Variants in PPIL1 observed in about 807,000 individuals in gnomAD.
PPIL1 encodes the protein peptidyl-prolyl cis-trans isomerase-like 1.
A neutral mutation model predicts 19.4 loss-of-function variants in PPIL1; 14 were observed. That is an observed-to-expected ratio of 0.72 (90% CI 0.48 to 1.13). The LOEUF (loss-of-function observed/expected upper bound fraction) is 1.13, where lower values mean the gene tolerates loss of function less well. Among genes scored for constraint, PPIL1 ranks in the 50% most tolerant of loss-of-function variants. PPIL1 has a pLI of 0.00. For synonymous variants in PPIL1, 72 were observed against 73.6 expected (o/e 0.98, Z 0.11); for missense variants, 192 against 218.0 (o/e 0.88, Z 0.75).
At position 36,865,620 on chromosome 6, in the gene PPIL1, C is replaced by T. The variant is rs183516616; in HGVS notation, c.211+6098G>A. On this transcript the variant is annotated intron_variant, in intron 2 of 3. Transcript: ENST00000373699. ...TCCCTCTACTTCCCAAGACCCATCT[C>T]GCATATGCCTCCTTCCCATCCTAAT... Among the ~76,000 whole-genome samples the T allele has an allele frequency of 3.3e-5, 5 of 152,264 alleles. 1 individual carries two copies. Among genetic ancestry groups the T allele is most frequent in the Middle Eastern group, 6.8e-3 (2 of 294 alleles).
Position 36,856,534 on chromosome 6 carries a change from T to G in PPIL1, c.280+52A>C, listed in dbSNP as rs373019501. On this transcript the variant is annotated intron_variant, in intron 3 of 3. Coordinates refer to ENST00000373699, the MANE Select transcript of PPIL1 (RefSeq NM_016059.5). Reference sequence around the variant, plus strand: ...TCACCTTGAATCATGGCCAAAAGAGTGAGCTTTTAAAATCCCCGTTCCTAC... The same window carrying G: ...TCACCTTGAATCATGGCCAAAAGAGGGAGCTTTTAAAATCCCCGTTCCTAC... The G allele has an allele frequency of 5.5e-4, 836 of 1,506,562 alleles. 1 individual carries two copies. The highest frequency in any genetic ancestry group is 7.2e-4 in the Non-Finnish European group (779 of 1,082,986). 93.3% of individuals were successfully genotyped at this position (1,506,562 alleles called of 1,614,324 possible).
chr6:36,861,843 T>A (rs1209392732), intron 2 of PPIL1, among the ~76,000 whole-genome samples: 1 of 151,944 alleles, frequency 6.6e-6, no homozygotes, highest in African/African-American at 2.4e-5. Context: ...ATTACAGGCA[T>A]GCGCCACCAT....
At chr6:36,873,227 T>A (rs974929282) in intron 1 of PPIL1, among the ~76,000 whole-genome samples, 14 of 152,174 alleles carry the variant, frequency 9.2e-5, no homozygotes, top group Non-Finnish European at 4.4e-5. Context: ...CTTCCAAGTA[T>A]CCTCTAGGAA....
At chr6:36,869,572 T>C (rs528164311) in intron 2 of PPIL1, among the ~76,000 whole-genome samples, 1 of 152,108 alleles carries the variant, frequency 6.6e-6, no homozygotes, top group East Asian at 1.9e-4. Context: ...TCTTGAGCAT[T>C]CTGAAAAAAA....
chr6:36,869,319 C>T (rs777307623), intron 2 of PPIL1, among the ~76,000 whole-genome samples: 2 of 152,132 alleles, frequency 1.3e-5, no homozygotes, highest in Non-Finnish European at 2.9e-5. Flanking sequence ...TTATCTCTTA[C>T]AGTTGTGGAG....
chr6:36,860,141 C>A (rs982538548), intron 2 of PPIL1, among the ~76,000 whole-genome samples: 1 of 151,262 alleles, frequency 6.6e-6, no homozygotes, highest in Non-Finnish European at 1.5e-5. Flanking sequence ...TGTTTTCTAA[C>A]CTTTGATTAC....
At chr6:36,861,414 C>T (rs1774285628) in intron 2 of PPIL1, among the ~76,000 whole-genome samples, 1 of 152,192 alleles carries the variant, frequency 6.6e-6, no homozygotes. Flanking sequence ...TTGGTATACT[C>T]AGGGGATTGG....
chr6:36,856,111 G>T, intron 3 of PPIL1, 78 bp from the exon 4 acceptor site: 1 of 1,457,848 alleles, frequency 6.9e-7, no homozygotes, highest in South Asian at 1.3e-5. Flanking sequence ...CCATCCTAGG[G>T]ATGAAAAAGC....
intron 2 of PPIL1, among the ~76,000 whole-genome samples, chr6:36,857,195 C>A (rs13193613): frequency 0.17 from 25,510 of 152,138 alleles, 2,380 homozygotes; most frequent in African/African-American, 0.22. Flanking sequence ...GTAATAGCCC[C>A]AGAGTTGAAA....
chr6:36,856,685 G>A (rs760312982), intron 2 of PPIL1, 31 bp from the exon 3 acceptor site: 72 of 1,592,384 alleles, frequency 4.5e-5, no homozygotes, highest in Non-Finnish European at 5.9e-5. Flanking sequence ...ACATGAATCA[G>A]CCAGTCACAC....
intron 3 of PPIL1, 145 bp downstream of exon 3, chr6:36,856,441 A>C (rs1774168948): frequency 1.4e-6 from 1 of 719,668 alleles, no homozygotes; most frequent in African/African-American, 1.8e-5. Context: ...GCTTTCTCTA[A>C]TCCACCAGGG....
rs756837992 is a variant in PPIL1, at chr6:36,856,017, T to C, written c.297A>G (p.Ala99=). 1.9e-5 allele frequency: 30 copies of C among 1,614,150 alleles called. No homozygotes were observed. The highest frequency in any genetic ancestry group is 2.4e-5 in the Non-Finnish European group (28 of 1,179,978). ...TGGTATCTGGCCCCGCATTGGCCAT[T>C]GCGAGAATTCCAGCCCCTGGTGGGA... ...DLKFTGAGIL[A]MANAGPDTNG... is the part of the protein sequence containing the mutation. The change falls in exon 4 of 4, where the codon GCA becomes GCG. Residue 99 remains alanine (A), a synonymous_variant. Coordinates refer to ENST00000373699, the MANE Select transcript of PPIL1 (RefSeq NM_016059.5).
At chr6:36,859,811 T>TTTTGTGTGTGTGTG in intron 2 of PPIL1, among the ~76,000 whole-genome samples, 1 of 144,990 alleles carries the variant, frequency 6.9e-6, no homozygotes, top group Middle Eastern at 3.5e-3. Flanking sequence ...CTGTTTTCTA[T>TTTTGTGTGTGTGTG]TGTGTGTGTG....
At chr6:36,857,485 A>C (rs1011948185) in intron 2 of PPIL1, among the ~76,000 whole-genome samples, 1 of 151,278 alleles carries the variant, frequency 6.6e-6, no homozygotes, top group Admixed American at 6.6e-5. Flanking sequence ...TGACTCCATA[A>C]ATTTTTTTTT....
chr6:36,871,232 T>G (rs1318441990), intron 2 of PPIL1, among the ~76,000 whole-genome samples: 1 of 152,248 alleles, frequency 6.6e-6, no homozygotes, highest in Non-Finnish European at 1.5e-5. Flanking sequence ...ACCCTTTTCC[T>G]GCTTTATTGA....
intron 1 of PPIL1, 33 bp downstream of exon 1, chr6:36,874,684 C>A: frequency 6.2e-7 from 1 of 1,611,720 alleles, no homozygotes; most frequent in Non-Finnish European, 8.5e-7. Flanking sequence ...TCCGCGTCTC[C>A]TCTGCCAGCC....
At chr6:36,871,239 T>C (rs943500629) in intron 2 of PPIL1, among the ~76,000 whole-genome samples, 1 of 152,248 alleles carries the variant, frequency 6.6e-6, no homozygotes, top group Admixed American at 6.5e-5. Context: ...TCCTGCTTTA[T>C]TGAGAGCAAT....
chr6:36,857,987 T>C (rs1289098988), intron 2 of PPIL1, among the ~76,000 whole-genome samples: 3 of 151,926 alleles, frequency 2.0e-5, no homozygotes, highest in African/African-American at 7.3e-5. Context: ...CCCAGCACGT[T>C]GGAAGGCCAA....
chr6:36,870,960 C>T (rs1201449884), intron 2 of PPIL1, among the ~76,000 whole-genome samples: 4 of 152,174 alleles, frequency 2.6e-5, no homozygotes, highest in Non-Finnish European at 5.9e-5. Context: ...CAGATCATGT[C>T]TTTCCTTTGC....
Sources: gnomAD v4.1 joint callset for allele counts (sites outside exome capture counted in the v4.1 genomes callset) on GRCh38, gnomAD v4.1.1 for gene constraint, MANE v1.5 for transcripts, NCBI Gene and HGNC (gene_info 2026-07-23, HGNC 2026-07-21) for gene names.